The following TRABD2B variants were observed in gnomAD, a reference collection of about 807,000 sequenced individuals.
The protein encoded by TRABD2B is TraB domain containing 2B, also known as metalloprotease TIKI2.
In TRABD2B, 14 loss-of-function variants were observed where a neutral mutation model predicts 40.1. The ratio of observed to expected loss-of-function variants is 0.35; its 90% CI spans 0.23 to 0.55. TRABD2B has a LOEUF of 0.55. Among genes scored for constraint, TRABD2B ranks in the 20% least tolerant of loss-of-function variants. The probability of loss-of-function intolerance (pLI) is 0.90; values close to 1 mark genes in which losing one functional copy is unlikely to be tolerated. For missense variants in TRABD2B, 541 were observed against 648.6 expected, an observed-to-expected ratio of 0.83 and a Z score of 1.80; for synonymous variants, 263 against 277.0, an observed-to-expected ratio of 0.95 and a Z score of 0.50.
intron 2 of TRABD2B, among the ~76,000 whole-genome samples, chr1:47,863,289 GAA>G (rs944227802): frequency 2.8e-4 from 40 of 142,860 alleles, no homozygotes; most frequent in Non-Finnish European, 9.2e-5. Flanking sequence ...CAGATTGGGA[GAA>G]AATATTTGCA....
At chr1:47,789,678 C>T (rs1364996531) in intron 4 of TRABD2B, among the ~76,000 whole-genome samples, 2 of 152,166 alleles carry the variant, frequency 1.3e-5, no homozygotes, top group Non-Finnish European at 2.9e-5. Context: ...AAGCCATCAG[C>T]TGAGAATTTG....
intron 2 of TRABD2B, among the ~76,000 whole-genome samples, chr1:47,980,463 C>G (rs1645825272): frequency 6.6e-6 from 1 of 152,214 alleles, no homozygotes; most frequent in Non-Finnish European, 1.5e-5. Context: ...AAAGCCCCAG[C>G]TGCCATGGGG....
At chr1:47,801,357 A>G in intron 3 of TRABD2B, 116 bp downstream of exon 3, 1 of 1,118,734 alleles carries the variant, frequency 8.9e-7, no homozygotes, top group South Asian at 1.6e-5. Flanking sequence ...CCACCTATAA[A>G]AGGGGAATAA....
chr1:47,854,785 T>C (rs890279272), intron 2 of TRABD2B, among the ~76,000 whole-genome samples: 9 of 152,172 alleles, frequency 5.9e-5, no homozygotes, highest in African/African-American at 2.2e-4. Flanking sequence ...TGTTTGCATT[T>C]TGTTTGGTGT....
chr1:47,996,274 T>C lies in TRABD2B; in HGVS notation c.102+414A>G, dbSNP rs1646089925. ...CCTGGGAGGGGGCAGAGTGTGTGAA[T>C]GGGAGAGCAAAAGGGTTCGATGGAA... On this transcript the variant is annotated intron_variant, in intron 1 of 6. Coordinates refer to ENST00000606738, the MANE Select transcript of TRABD2B (RefSeq NM_001194986.2). This position sits in a 1 kb window ranked among gnomAD's most constrained non-coding sequence, Gnocchi z 4.6. Among the ~76,000 whole-genome samples, 1 of 151,138 alleles carries C rather than the reference T, an allele frequency of 6.6e-6. No individual in the cohort carries two copies. Among genetic ancestry groups the C allele is most frequent in the Non-Finnish European group, 1.5e-5 (1 of 67,798 alleles).
In TRABD2B at chr1:47,997,045, C is replaced by T. The variant is rs963945429; in HGVS notation, c.-256G>A. 15 of 1,054,474 alleles carry T rather than the reference C, an allele frequency of 1.4e-5. No homozygotes were observed. The highest frequency in any genetic ancestry group is 8.7e-4 in the Middle Eastern group (2 of 2,298). The allele number at this position is 1,054,474 out of a possible 1,614,324, so 65.3% of individuals were successfully genotyped here. ...GGCGCTCAACCTCGCTGGCCGAGCC[C>T]CCGGGTGCTGAGGGCGTGTTGGGGT... On this transcript the variant is annotated 5_prime_UTR_variant, in exon 1 of 7. Coordinates refer to ENST00000606738, the MANE Select transcript of TRABD2B (RefSeq NM_001194986.2).
intron 5 of TRABD2B, among the ~76,000 whole-genome samples, chr1:47,777,558 T>C (rs941106920): frequency 2.0e-5 from 3 of 152,186 alleles, no homozygotes; most frequent in Non-Finnish European, 4.4e-5. Context: ...GGCCTCATGT[T>C]CCTCAAGGAT....
At position 47,905,967 on chromosome 1, in the gene TRABD2B, A is replaced by G. The variant is rs566705258; in HGVS notation, c.666+88067T>C. ...GCCGCTCTTAACCCCAGCACTCCACATTACTCCTGGGCTTAGAGGTCTTCC... is the reference window on the plus strand; with the variant it reads ...GCCGCTCTTAACCCCAGCACTCCACGTTACTCCTGGGCTTAGAGGTCTTCC... On this transcript the variant is annotated intron_variant, in intron 2 of 6. Transcript: ENST00000606738. 7.2e-5 allele frequency among the ~76,000 whole-genome samples: 11 copies of G among 152,242 alleles called. 1 individual carries two copies. In the South Asian group the frequency reaches 2.1e-3, roughly 29 times the overall value.
intron 4 of TRABD2B, among the ~76,000 whole-genome samples, chr1:47,789,551 G>A (rs1238344643): frequency 6.6e-6 from 1 of 152,080 alleles, no homozygotes. Context: ...AGTTCTTGTG[G>A]CCAATTTCTC....
intron 2 of TRABD2B, among the ~76,000 whole-genome samples, chr1:47,987,426 A>C (rs539312774): frequency 6.6e-6 from 1 of 152,056 alleles, no homozygotes; most frequent in South Asian, 2.1e-4. Context: ...CAGAGTTTGG[A>C]TTTATGGTTG....
At chr1:47,883,928 C>T (rs1644338216) in intron 2 of TRABD2B, among the ~76,000 whole-genome samples, 1 of 152,190 alleles carries the variant, frequency 6.6e-6, no homozygotes, top group Non-Finnish European at 1.5e-5. Flanking sequence ...GCCATGATCT[C>T]TCTCTCCATG....
At position 47,827,062 on chromosome 1, in the gene TRABD2B, T is replaced by C. The variant is rs111745330; in HGVS notation, c.667-25443A>G. On this transcript the variant is annotated intron_variant, in intron 2 of 6. Transcript: ENST00000606738. ...CACTCCATGGAGGACTGAGTATGAA[T>C]GGGTGTGTGACTGTAGGGTGGGGAG... Among the ~76,000 whole-genome samples, 493 of 152,116 alleles carry C rather than the reference T, an allele frequency of 3.2e-3. 7 individuals carry two copies. Among genetic ancestry groups the C allele is most frequent in the African/African-American group, 0.011 (459 of 41,468 alleles).
intron 2 of TRABD2B, among the ~76,000 whole-genome samples, chr1:47,879,000 G>A (rs1025271380): frequency 3.3e-5 from 5 of 151,092 alleles, no homozygotes; most frequent in Non-Finnish European, 5.9e-5. Flanking sequence ...AGCTACTGAA[G>A]ACACTGAGGT....
At chr1:47,772,625 G>A (rs1204579187) in intron 6 of TRABD2B, among the ~76,000 whole-genome samples, 3 of 152,120 alleles carry the variant, frequency 2.0e-5, no homozygotes, top group Admixed American at 1.3e-4. Context: ...ATGAGAAATG[G>A]GAGTAAAAGC....
chr1:47,801,726 GAGA>G, intron 2 of TRABD2B, 107 bp from the exon 3 acceptor site: 2 of 1,358,788 alleles, frequency 1.5e-6, no homozygotes. Flanking sequence ...GCCTGAAACA[GAGA>G]AGGTGTGTGG....
intron 2 of TRABD2B, among the ~76,000 whole-genome samples, chr1:47,917,279 G>A (rs1479051388): frequency 6.6e-6 from 1 of 152,196 alleles, no homozygotes; most frequent in Non-Finnish European, 1.5e-5. Context: ...AGTCCAGGAT[G>A]CTCCACTGAG....
intron 2 of TRABD2B, among the ~76,000 whole-genome samples, chr1:47,811,900 ACCTACCAT>A (rs2124353094): frequency 6.6e-6 from 1 of 152,228 alleles, no homozygotes; most frequent in East Asian, 1.9e-4. Context: ...AGAACATTAC[ACCTACCAT>A]CCCATGATTT....
chr1:47,831,098 T>C (rs1191068845), intron 2 of TRABD2B, among the ~76,000 whole-genome samples: 1 of 152,078 alleles, frequency 6.6e-6, no homozygotes, highest in African/African-American at 2.4e-5. Flanking sequence ...CTTTGAAGAG[T>C]ATAGGCAGCT....
At chr1:47,900,450 T>A (rs1460196443) in intron 2 of TRABD2B, among the ~76,000 whole-genome samples, 1 of 152,166 alleles carries the variant, frequency 6.6e-6, no homozygotes, top group Non-Finnish European at 1.5e-5. Context: ...GTAGGTTGTA[T>A]AATTATCTTA....
Sources: gnomAD v4.1 joint callset for allele counts (sites outside exome capture counted in the v4.1 genomes callset) on GRCh38, gnomAD v4.1.1 for gene constraint, Gnocchi (gnomAD v3.1) non-coding constraint, MANE v1.5 for transcripts, NCBI Gene and HGNC (gene_info 2026-07-23, HGNC 2026-07-21) for gene names.